The following SCMH1 variants were observed in gnomAD, a reference collection of about 807,000 sequenced individuals.
SCMH1 encodes polycomb protein SCMH1.
Under a neutral mutation model 70.8 loss-of-function variants are expected in SCMH1, and 37 were observed. That is an observed-to-expected ratio of 0.52 (90% confidence interval 0.40 to 0.69). The LOEUF (loss-of-function observed/expected upper bound fraction) is 0.69, where lower values mean the gene tolerates loss of function less well. SCMH1 is among the 30% of genes least tolerant of loss of function. The pLI, the probability that SCMH1 is intolerant of heterozygous loss-of-function variation, is 0.00. For synonymous variants in SCMH1, 292 were observed against 307.4 expected (o/e 0.95, Z 0.52); for missense variants, 607 against 827.3 (o/e 0.73, Z 3.27).
At chr1:41,228,789 T>A (rs995341294) in intron 1 of SCMH1, among the ~76,000 whole-genome samples, 1 of 151,972 alleles carries the variant, frequency 6.6e-6, no homozygotes, top group Non-Finnish European at 1.5e-5. Context: ...ATAGTATAAT[T>A]ATCAGACTTA....
At chr1:41,220,825 A>T (rs140606043) in intron 1 of SCMH1, among the ~76,000 whole-genome samples, 55 of 152,336 alleles carry the variant, frequency 3.6e-4, no homozygotes, top group African/African-American at 1.3e-3. Flanking sequence ...GAAAACCATG[A>T]AGCATACTCA....
chr1:41,092,178 T>C (rs1395363250), intron 8 of SCMH1, among the ~76,000 whole-genome samples: 1 of 152,286 alleles, frequency 6.6e-6, no homozygotes, highest in Middle Eastern at 3.4e-3. Flanking sequence ...AACAGAGGTA[T>C]AGACCAATGG....
chr1:41,089,315 G>C (rs74069004), intron 8 of SCMH1, among the ~76,000 whole-genome samples: 2,038 of 152,266 alleles, frequency 0.013, 46 homozygotes, highest in African/African-American at 0.047. Context: ...TCAGTCCATA[G>C]ACTTGTTCTT....
intron 10 of SCMH1, among the ~76,000 whole-genome samples, chr1:41,065,128 G>T (rs1027154986): frequency 6.6e-6 from 1 of 152,204 alleles, no homozygotes; most frequent in Non-Finnish European, 1.5e-5. Flanking sequence ...TTCTTTCCAA[G>T]TCAATGTAGA....
At chr1:41,199,245 C>T (rs1370438041) in intron 1 of SCMH1, among the ~76,000 whole-genome samples, 2 of 152,140 alleles carry the variant, frequency 1.3e-5, no homozygotes, top group Non-Finnish European at 2.9e-5. Context: ...TACCTCCAAA[C>T]CAAGAAAGAG....
intron 8 of SCMH1, among the ~76,000 whole-genome samples, chr1:41,101,206 T>TA (rs1039299315): frequency 1.3e-5 from 2 of 152,174 alleles, no homozygotes; most frequent in East Asian, 1.9e-4. Flanking sequence ...CAGCTTACAG[T>TA]AAAAAACAGT....
intron 8 of SCMH1, among the ~76,000 whole-genome samples, chr1:41,100,617 G>A (rs1196117234): frequency 6.7e-6 from 1 of 148,396 alleles, no homozygotes; most frequent in Non-Finnish European, 1.5e-5. Flanking sequence ...CCATGCTGGA[G>A]TGCAGTGGCA....
At chr1:41,119,143 G>A (rs1434199651) in intron 6 of SCMH1, among the ~76,000 whole-genome samples, 1 of 152,158 alleles carries the variant, frequency 6.6e-6, no homozygotes, top group Non-Finnish European at 1.5e-5. Context: ...AACTGGCAAT[G>A]TATGGGTAAA....
intron 8 of SCMH1, among the ~76,000 whole-genome samples, chr1:41,086,900 A>C (rs1571963686): frequency 7.8e-6 from 1 of 128,930 alleles, no homozygotes; most frequent in South Asian, 2.7e-4. Flanking sequence ...AAAAAAAAAA[A>C]AAAACCCCAA....
intron 8 of SCMH1, among the ~76,000 whole-genome samples, chr1:41,107,254 T>C (rs755568239): frequency 1.3e-5 from 2 of 151,886 alleles, no homozygotes; most frequent in Non-Finnish European, 2.9e-5. Flanking sequence ...CCCCTCAATC[T>C]AGGTTGGGGT....
intron 1 of SCMH1, among the ~76,000 whole-genome samples, chr1:41,210,996 G>C (rs1046624224): frequency 6.6e-6 from 1 of 152,038 alleles, no homozygotes; most frequent in Non-Finnish European, 1.5e-5. Context: ...TTTTCATAGA[G>C]ACAAGCTTTC....
intron 8 of SCMH1, among the ~76,000 whole-genome samples, chr1:41,080,977 T>C (rs1456120949): frequency 6.6e-6 from 1 of 152,182 alleles, no homozygotes; most frequent in Non-Finnish European, 1.5e-5. Context: ...GCATTACTTG[T>C]ACGTGACATG....
intron 12 of SCMH1, chr1:41,043,280 G>C (rs1646454981): frequency 6.6e-6 from 1 of 152,098 alleles, no homozygotes; most frequent in Non-Finnish European, 1.5e-5. Context: ...TTTTGGTACA[G>C]ATAGGATTTC....
chr1:41,087,076 T>C (rs910590735), intron 8 of SCMH1, among the ~76,000 whole-genome samples: 1 of 151,976 alleles, frequency 6.6e-6, no homozygotes, highest in African/African-American at 2.4e-5. Context: ...CAGACCCAAC[T>C]ATACACATAA....
intron 2 of SCMH1, among the ~76,000 whole-genome samples, chr1:41,177,241 C>T (rs1005669953): frequency 1.3e-5 from 2 of 152,114 alleles, no homozygotes; most frequent in African/African-American, 4.8e-5. Flanking sequence ...CCCATCTGTA[C>T]GTCACCATCA....
At chr1:41,148,320 TATA>T (rs1373757081) in intron 5 of SCMH1, among the ~76,000 whole-genome samples, 2 of 152,228 alleles carry the variant, frequency 1.3e-5, no homozygotes, top group Admixed American at 1.3e-4. Flanking sequence ...TATCTATCCT[TATA>T]ATGACAATTT....
intron 8 of SCMH1, among the ~76,000 whole-genome samples, chr1:41,097,887 T>A (rs1174979671): frequency 1.3e-5 from 2 of 152,254 alleles, no homozygotes; most frequent in Non-Finnish European, 2.9e-5. Context: ...AAATTCAGAA[T>A]AAGCCGTGCT....
rs568985993 is a variant in SCMH1 at position 41,197,853 on chromosome 1, AT to A, written c.-117-11604del. Among the ~76,000 whole-genome samples, 12 of 152,316 alleles carry A rather than the reference AT, an allele frequency of 7.9e-5. No individual in the cohort carries two copies. The South Asian group carries it at 2.3e-3, about 29-fold the overall frequency. ...TGGGTAGTCCTAGATGTAGTCCTCT[AT>A]CAACTTTCTTTATGACTTCCTGTTT... On this transcript the variant is annotated intron_variant, in intron 1 of 14. Transcript: ENST00000337495.
rs118054519 is a variant in SCMH1 at position 41,208,764 on chromosome 1, C to A, written c.-117-22514G>T. On this transcript the variant is annotated intron_variant, in intron 1 of 14. Coordinates refer to ENST00000337495, the Ensembl canonical transcript of SCMH1. ...GGAAATTTATAGCACCAAATACCCA[C>A]AAGAGAAAGCAGGAATGATCTAAAA... Among the ~76,000 whole-genome samples, 132 of 152,240 alleles carry A rather than the reference C, an allele frequency of 8.7e-4. No individual in the cohort carries two copies. In the East Asian group the frequency reaches 0.017, roughly 20 times the overall value.
Sources: gnomAD v4.1 joint callset for allele counts (sites outside exome capture counted in the v4.1 genomes callset) on GRCh38, gnomAD v4.1.1 for gene constraint, MANE v1.5 for transcripts, NCBI Gene and HGNC (gene_info 2026-07-23, HGNC 2026-07-21) for gene names.